SUSD2: variants seen among roughly 807,000 people sequenced by gnomAD.
SUSD2 encodes the protein sushi domain-containing protein 2.
SUSD2 carries 86 observed loss-of-function variants against 93.8 expected under a neutral mutation model. That is an observed-to-expected ratio of 0.92 (90% CI 0.77 to 1.10). The LOEUF is 1.10. Among genes scored for constraint, SUSD2 ranks in the 50% least tolerant of loss-of-function variants. The pLI is 0.00. For missense variants in SUSD2, 1,060 were observed against 1,137.0 expected, an observed-to-expected ratio of 0.93 and a Z score of 0.97; for synonymous variants, 483 against 485.0, an observed-to-expected ratio of 1.00 and a Z score of 0.05.
rs984858957 is a variant in SUSD2, at chr22:24,189,066, C to T, written c.*630C>T. Reference sequence around the variant, plus strand: ...CTGGAAGGTCACTCAGGAACACCCTCCCTGCCTGTGCAAAGAGAAAACAAG... The same window carrying T: ...CTGGAAGGTCACTCAGGAACACCCTTCCTGCCTGTGCAAAGAGAAAACAAG... On this transcript the variant is annotated 3_prime_UTR_variant, in exon 15 of 15. Coordinates refer to ENST00000358321, the MANE Select transcript of SUSD2 (RefSeq NM_019601.4). The T allele has an allele frequency of 6.6e-6, 1 of 152,324 alleles. No homozygotes were observed. The highest frequency in any genetic ancestry group is 1.5e-5 in the Non-Finnish European group (1 of 68,130). 9.4% of individuals were successfully genotyped at this position (152,324 alleles called of 1,614,324 possible). A position where few individuals can be genotyped will look rare whatever the true frequency, so the allele number is the denominator to read the frequency against.
intron 10 of SUSD2, chr22:24,186,908 C>T (rs756484961): frequency 1.2e-5 from 6 of 520,644 alleles, no homozygotes; most frequent in African/African-American, 3.8e-5. Context: ...ACCCTCGGGA[C>T]GTGCCCAGGC....
rs1215728504 is a variant in SUSD2, at chr22:24,185,842, T to C, written c.1252T>C (p.Tyr418His). ...HWLYDVLSFYYCCLWAPDCPR... is the reference protein window; with the variant it reads ...HWLYDVLSFYHCCLWAPDCPR... ...GCTCTACGATGTCCTCAGCTTCTAT[T>C]ACTGCTGCCTCTGGGCACCCGACTG... Residue 418 changes from tyrosine (Y) to histidine (H), a missense_variant, in exon 8 of 15, where the codon TAC becomes CAC. Coordinates refer to ENST00000358321, the MANE Select transcript of SUSD2 (RefSeq NM_019601.4). The C allele has an allele frequency of 1.9e-6, 3 of 1,606,220 alleles. No homozygotes were observed. The South Asian group carries it at 3.3e-5, about 18-fold the overall frequency.
intron 1 of SUSD2, chr22:24,182,787 C>G (rs1325548699): frequency 6.4e-6 from 3 of 466,606 alleles, no homozygotes; most frequent in Non-Finnish European, 1.2e-5. Context: ...CCCTGCAGGG[C>G]TGAGCGGATG....
At chr22:24,185,012 C>T in intron 5 of SUSD2, 72 bp downstream of exon 5, 1 of 1,611,222 alleles carries the variant, frequency 6.2e-7, no homozygotes, top group Non-Finnish European at 8.5e-7. Context: ...CTTGCCTGGG[C>T]AGCCCAGGCT....
At chr22:24,182,001 A>G (rs951145530) in intron 1 of SUSD2, among the ~76,000 whole-genome samples, 1 of 149,130 alleles carries the variant, frequency 6.7e-6, no homozygotes, top group African/African-American at 2.5e-5. Context: ...CCCCCACCCC[A>G]TTTCCCATCG....
In SUSD2 at chr22:24,187,302, CGT is replaced by C. The variant is rs1569341048; in HGVS notation, c.1744_1745del (p.Val582ProfsTer4). The C allele has an allele frequency of 6.2e-7, 1 of 1,614,106 alleles. No individual in the cohort carries two copies. The highest frequency in any genetic ancestry group is 8.5e-7 in the Non-Finnish European group (1 of 1,180,018). ...SVQGPFLSVSVLLPEKFLTHT... is the reference protein window; with the variant it reads ...SVQGPFLSVSXLLPEKFLTHT... ...TGCAGGGCCCGTTCCTGAGTGTGTC[CGT>C]CCTGCTGCCTGAGAAGTTCCTCACC... On this transcript the variant is annotated frameshift_variant, in exon 11 of 15. Transcript: ENST00000358321. LOFTEE classifies it high-confidence loss of function.
chr22:24,186,605 C>T, intron 10 of SUSD2, 190 bp downstream of exon 10: 1 of 660,334 alleles, frequency 1.5e-6, no homozygotes, highest in Non-Finnish European at 2.5e-6. Flanking sequence ...AGCCGAGAGG[C>T]CGTGACGGTG....
rs769842071 is a variant in SUSD2 at position 24,185,523 on chromosome 22, G to A, written c.1022G>A (p.Cys341Tyr). ...YGCDMEQGSV[C>Y]TYHPGAVHCV... ...TGTGACATGGAGCAGGGCAGCGTGT[G>A]CACCTACCACCCCGGGGCCGTGCAC... is the stretch of plus-strand genomic sequence containing the variant. The change falls in exon 7 of 15, where the codon TGC becomes TAC. Residue 341 changes from cysteine to tyrosine, a missense_variant. Transcript: ENST00000358321. 1.3e-6 allele frequency: 2 copies of A among 1,579,408 alleles called. No homozygotes were observed. Among genetic ancestry groups the A allele is most frequent in the South Asian group, 2.3e-5 (2 of 86,878 alleles).
At position 24,188,276 on chromosome 22, in the gene SUSD2, T is replaced by C. The variant is rs1486663497; in HGVS notation, c.2393T>C (p.Val798Ala). Residue 798 changes from valine (V) to alanine (A), a missense_variant, in exon 14 of 15, where the codon GTG (valine) becomes GCG (alanine). By Grantham distance (64) the Val-to-Ala change is moderately conservative. This residue lies in a region of SUSD2 where 973 missense variants were observed against 1,005.3 expected (regional missense o/e 0.97). Transcript: ENST00000358321. The surrounding 1 kb of genome is among the most constrained non-coding windows in gnomAD (Gnocchi z 4.7). ...LGIIFGGLAV[V>A]AAVALVYVLL... The stretch of plus-strand genomic sequence containing the variant: ...ATCATCTTTGGGGGCCTCGCGGTGG[T>C]GGCGGCGGTTGCGCTCGTCTATGTG... 17 of 1,604,712 alleles carry C rather than the reference T, an allele frequency of 1.1e-5. No homozygotes were observed. The highest frequency in any genetic ancestry group is 2.2e-5 in the East Asian group (1 of 44,762).
chr22:24,182,404 C>T (rs1440868527), intron 1 of SUSD2, among the ~76,000 whole-genome samples: 18 of 152,200 alleles, frequency 1.2e-4, no homozygotes, highest in Admixed American at 1.2e-3. Flanking sequence ...TGCTGGGACC[C>T]CTGCTTGAAA....
Position 24,186,256 on chromosome 22 carries a change from G to A in SUSD2, c.1484-1G>A. Reference sequence around the variant, plus strand: ...CTCCCGTTCTGCTCCCACCACCGCAGGCACGGAGACCCGTGGCACTGGGCT... The same window carrying A: ...CTCCCGTTCTGCTCCCACCACCGCAAGCACGGAGACCCGTGGCACTGGGCT... On this transcript the variant is annotated splice_acceptor_variant, in intron 9 of 14. Coordinates refer to ENST00000358321, the MANE Select transcript of SUSD2 (RefSeq NM_019601.4). LOFTEE classifies it high-confidence loss of function. 6.2e-7 allele frequency: 1 copy of A among 1,613,280 alleles called. No individual in the cohort carries two copies. Among genetic ancestry groups the A allele is most frequent in the Non-Finnish European group, 8.5e-7 (1 of 1,179,928 alleles).
Position 24,183,167 on chromosome 22 carries a change from CT to C in SUSD2, c.188del (p.Leu63ArgfsTer10), listed in dbSNP as rs1482588139. 6.2e-7 allele frequency: 1 copy of C among 1,613,922 alleles called. No homozygotes were observed. Among genetic ancestry groups the C allele is most frequent in the Middle Eastern group, 1.6e-4 (1 of 6,076 alleles). ...TCCLDFRDFC[L>X]EILPYSGSMM... ...CTGCTTGGATTTCCGGGACTTCTGC[CT>C]GGAGATATTGCCCTACTCAGGATCC... is the stretch of plus-strand genomic sequence containing the variant. On this transcript the variant is annotated frameshift_variant, in exon 2 of 15. Transcript: ENST00000358321. LOFTEE classifies it high-confidence loss of function.
Position 24,188,338 on chromosome 22 carries a change from C to T in SUSD2, c.2444+11C>T, listed in dbSNP as rs2047385069. ...CAGGAAGGGCAACACGTGAGACCCCCCAGCCCCTCTCCCAAGACCCCGAGA... is the reference window on the plus strand; with the variant it reads ...CAGGAAGGGCAACACGTGAGACCCCTCAGCCCCTCTCCCAAGACCCCGAGA... On this transcript the variant is annotated intron_variant, in intron 14 of 14. Transcript: ENST00000358321. The surrounding 1 kb of genome is among the most constrained non-coding windows in gnomAD (Gnocchi z 4.7). The T allele has an allele frequency of 2.5e-6, 4 of 1,609,740 alleles. No individual in the cohort carries two copies. Among genetic ancestry groups the T allele is most frequent in the Non-Finnish European group, 3.4e-6 (4 of 1,179,202 alleles).
chr22:24,181,571 G>C lies in SUSD2; in HGVS notation c.52G>C (p.Gly18Arg). Residue 18 changes from glycine (G) to arginine (R), a missense_variant, in exon 1 of 15, where the codon GGC becomes CGC. Physicochemically the swap from Gly to Arg is moderately radical, Grantham distance 125. Coordinates refer to ENST00000358321, the MANE Select transcript of SUSD2 (RefSeq NM_019601.4). ...WALLLLATAL[G>R]PGPGPTADAQ... ...CCTGCTGCTGCTGGCGACAGCCCTC[G>C]GCCCGGGCCCCGGACCCACAGCAGG... 6.2e-7 allele frequency: 1 copy of C among 1,600,172 alleles called. No homozygotes were observed. The highest frequency in any genetic ancestry group is 8.5e-7 in the Non-Finnish European group (1 of 1,175,542).
intron 7 of SUSD2, 23 bp from the exon 8 acceptor site, chr22:24,185,638 C>CCCTG: frequency 3.1e-6 from 5 of 1,608,322 alleles, no homozygotes; most frequent in Non-Finnish European, 4.2e-6. Flanking sequence ...AGTGGCCTGG[C>CCCTG]CCTGACTCAC....
In SUSD2 at chr22:24,181,487, A is replaced by G. The variant is rs1375244049; in HGVS notation, c.-33A>G. 3 of 1,518,570 alleles carry G rather than the reference A, an allele frequency of 2.0e-6. No individual in the cohort carries two copies. The highest frequency in any genetic ancestry group is 2.5e-5 in the East Asian group (1 of 40,782). 94.1% of individuals were successfully genotyped at this position (1,518,570 alleles called of 1,614,324 possible). On this transcript the variant is annotated 5_prime_UTR_variant, in exon 1 of 15. Coordinates refer to ENST00000358321, the MANE Select transcript of SUSD2 (RefSeq NM_019601.4). ...TGTCTGGCCGCCTCGCCTCGGAGCC[A>G]CTGCACTGCTGGCTGCAGACACAGG...
intron 4 of SUSD2, 68 bp from the exon 5 acceptor site, chr22:24,184,698 G>A: frequency 6.0e-6 from 8 of 1,335,658 alleles, no homozygotes; most frequent in East Asian, 2.3e-5. Context: ...TCAGGCTGCT[G>A]TAGGTGGCAA....
chr22:24,187,244 T>C lies in SUSD2; in HGVS notation c.1685T>C (p.Met562Thr). The change falls in exon 11 of 15, where the codon ATG (methionine) becomes ACG (threonine). Residue 562 changes from methionine to threonine, a missense_variant. Physicochemically the swap from Met to Thr is moderately conservative, Grantham distance 81 (BLOSUM62 -1). Coordinates refer to ENST00000358321, the MANE Select transcript of SUSD2 (RefSeq NM_019601.4). ...GCTGCCGGGGACAGGGTCTCCATCA[T>C]GCTGGCATCAGGGGCCGGCCTGGAG... is the stretch of plus-strand genomic sequence containing the variant. The part of the protein sequence containing the change: ...SVAAGDRVSI[M>T]LASGAGLEVS... The C allele has an allele frequency of 1.9e-6, 3 of 1,613,878 alleles. No homozygotes were observed. Among genetic ancestry groups the C allele is most frequent in the Non-Finnish European group, 2.5e-6 (3 of 1,179,972 alleles).
chr22:24,183,080 C>T lies in SUSD2; in HGVS notation c.100C>T (p.Arg34Cys), dbSNP rs527432962. The T allele has an allele frequency of 2.5e-5, 40 of 1,613,886 alleles. No homozygotes were observed. The highest frequency in any genetic ancestry group is 6.7e-5 in the African/African-American group (5 of 75,064). ...TADAQESCSM[R>C]CGALDGPCSC... is the part of the protein sequence containing the mutation. ...AGATGCCCAAGAGAGCTGCTCCATGCGCTGTGGCGCCCTGGACGGGCCATG... is the reference window on the plus strand; with the variant it reads ...AGATGCCCAAGAGAGCTGCTCCATGTGCTGTGGCGCCCTGGACGGGCCATG... Residue 34 changes from arginine to cysteine, a missense_variant, in exon 2 of 15, where the codon CGC becomes TGC. Coordinates refer to ENST00000358321, the MANE Select transcript of SUSD2 (RefSeq NM_019601.4).
Sources: gnomAD v4.1 joint callset for allele counts (sites outside exome capture counted in the v4.1 genomes callset) on GRCh38, gnomAD v4.1.1 for gene constraint, gnomAD v4.1.1 regional missense constraint, Gnocchi (gnomAD v3.1) non-coding constraint, MANE v1.5 for transcripts, NCBI Gene and HGNC (gene_info 2026-07-23, HGNC 2026-07-21) for gene names.